KCNH1: variants seen among roughly 807,000 people sequenced by gnomAD.
The protein encoded by KCNH1 is potassium voltage-gated channel subfamily H member 1.
KCNH1 carries 27 observed loss-of-function variants against 69.2 expected under a neutral mutation model. The observed-to-expected ratio is 0.39, with a 90% CI of 0.29 to 0.54. The LOEUF is 0.54. Among genes scored for constraint, KCNH1 ranks in the 20% least tolerant of loss-of-function variants. The pLI is 0.68. For synonymous variants in KCNH1, 456 were observed against 487.7 expected (o/e 0.93, Z 0.86); for missense variants, 798 against 1,261.6 (o/e 0.63, Z 5.57).
intron 9 of KCNH1, among the ~76,000 whole-genome samples, chr1:210,781,767 T>C (rs1208001048): frequency 6.6e-6 from 1 of 152,172 alleles, no homozygotes; most frequent in Non-Finnish European, 1.5e-5. Context: ...AATCTCCTCC[T>C]CCCCAGTACT....
chr1:211,033,629 C>A (rs1689836279), intron 5 of KCNH1, among the ~76,000 whole-genome samples: 1 of 152,034 alleles, frequency 6.6e-6, no homozygotes, highest in African/African-American at 2.4e-5. Flanking sequence ...ATGGATGAAA[C>A]TGGAAACCAT....
At chr1:210,846,708 A>G (rs563028891) in intron 7 of KCNH1, among the ~76,000 whole-genome samples, 90 of 152,290 alleles carry the variant, frequency 5.9e-4, no homozygotes, top group African/African-American at 1.7e-3. Flanking sequence ...AGCAATGGCA[A>G]CAAAAGCCAA....
chr1:211,124,559 G>A (rs1297153284), intron 1 of KCNH1, among the ~76,000 whole-genome samples: 1 of 152,100 alleles, frequency 6.6e-6, no homozygotes, highest in East Asian at 1.9e-4. Context: ...CAGGGAAATC[G>A]CAAGCCGAGA....
chr1:210,720,377 A>T (rs1200513848), intron 10 of KCNH1, among the ~76,000 whole-genome samples: 2 of 152,216 alleles, frequency 1.3e-5, no homozygotes, highest in Non-Finnish European at 2.9e-5. Context: ...TTTACATTGC[A>T]TTGGCTTGTC....
chr1:211,040,249 T>C (rs1689969444), intron 5 of KCNH1, among the ~76,000 whole-genome samples: 1 of 149,650 alleles, frequency 6.7e-6, no homozygotes, highest in South Asian at 2.1e-4. Flanking sequence ...GGTTTTGAAA[T>C]GTGAGGACAT....
At chr1:210,700,622 C>A (rs538932148) in intron 10 of KCNH1, among the ~76,000 whole-genome samples, 3 of 152,314 alleles carry the variant, frequency 2.0e-5, no homozygotes, top group African/African-American at 7.2e-5. Context: ...TTTTCCTAAT[C>A]CAGCAGTTGG....
At chr1:211,083,794 T>G (rs1330496693) in intron 4 of KCNH1, among the ~76,000 whole-genome samples, 1 of 152,218 alleles carries the variant, frequency 6.6e-6, no homozygotes, top group Non-Finnish European at 1.5e-5. Context: ...CTTCAGAGTT[T>G]AGAAGCATTC....
At chr1:210,775,284 C>T in intron 10 of KCNH1, 64 bp downstream of exon 10, 2 of 1,409,678 alleles carry the variant, frequency 1.4e-6, no homozygotes, top group Non-Finnish European at 2.0e-6. Flanking sequence ...TTTCTGGTCA[C>T]AGTGATTATC....
At chr1:211,002,463 A>G (rs1689207269) in intron 6 of KCNH1, among the ~76,000 whole-genome samples, 1 of 151,780 alleles carries the variant, frequency 6.6e-6, no homozygotes, top group Non-Finnish European at 1.5e-5. Context: ...GAAGAGATAA[A>G]GCAATCTGTG....
chr1:211,081,129 C>A (rs1459815150), intron 5 of KCNH1, among the ~76,000 whole-genome samples: 2 of 152,064 alleles, frequency 1.3e-5, no homozygotes, highest in Non-Finnish European at 2.9e-5. Flanking sequence ...AAGAAAAAAA[C>A]AAACAACCCC....
chr1:210,809,760 T>G (rs1157072107), intron 7 of KCNH1, among the ~76,000 whole-genome samples: 1 of 152,194 alleles, frequency 6.6e-6, no homozygotes, highest in Non-Finnish European at 1.5e-5. Context: ...TCAGTGATTA[T>G]CAGTGGTGGA....
chr1:210,738,466 G>A (rs1364225107), intron 10 of KCNH1, among the ~76,000 whole-genome samples: 2 of 151,756 alleles, frequency 1.3e-5, no homozygotes, highest in African/African-American at 4.8e-5. Flanking sequence ...TGACTCCAGA[G>A]GGTTGGGAAA....
intron 7 of KCNH1, among the ~76,000 whole-genome samples, chr1:210,826,001 C>G (rs762545882): frequency 1.3e-5 from 2 of 152,080 alleles, no homozygotes; most frequent in Non-Finnish European, 2.9e-5. Context: ...TCTGTTTGTT[C>G]TAAATCTGTT....
intron 6 of KCNH1, among the ~76,000 whole-genome samples, chr1:210,984,623 C>T (rs929473691): frequency 6.6e-6 from 1 of 152,158 alleles, no homozygotes; most frequent in African/African-American, 2.4e-5. Context: ...AGGGATGAAG[C>T]CCACTTGATC....
intron 6 of KCNH1, among the ~76,000 whole-genome samples, chr1:210,963,036 C>G (rs1181841772): frequency 3.3e-5 from 5 of 151,616 alleles, no homozygotes; most frequent in African/African-American, 7.3e-5. Flanking sequence ...CTTTGTGGAA[C>G]TTTTCTTTAA....
chr1:210,935,631 T>C (rs1027383684), intron 6 of KCNH1, among the ~76,000 whole-genome samples: 2 of 152,228 alleles, frequency 1.3e-5, no homozygotes, highest in African/African-American at 4.8e-5. Flanking sequence ...AACGGTTATG[T>C]GCCAATTAAA....
intron 7 of KCNH1, among the ~76,000 whole-genome samples, chr1:210,899,791 T>C (rs1397185769): frequency 6.6e-6 from 1 of 152,162 alleles, no homozygotes; most frequent in East Asian, 1.9e-4. Context: ...CCTCAGAGAG[T>C]TGAACATCTT....
chr1:211,119,191 T>C (rs1691642337), intron 1 of KCNH1, among the ~76,000 whole-genome samples: 1 of 152,060 alleles, frequency 6.6e-6, no homozygotes, highest in Non-Finnish European at 1.5e-5. Flanking sequence ...AAACTCCATC[T>C]CTACTAAAAA....
At chr1:210,871,657 G>A (rs1249412992) in intron 7 of KCNH1, among the ~76,000 whole-genome samples, 1 of 152,016 alleles carries the variant, frequency 6.6e-6, no homozygotes, top group Non-Finnish European at 1.5e-5. Flanking sequence ...CAATCCAAAT[G>A]TCCAACAAAG....
Sources: gnomAD v4.1 joint callset for allele counts (sites outside exome capture counted in the v4.1 genomes callset) on GRCh38, gnomAD v4.1.1 for gene constraint, MANE v1.5 for transcripts, NCBI Gene and HGNC (gene_info 2026-07-23, HGNC 2026-07-21) for gene names.